The following TTBK2 variants were observed in gnomAD, a reference collection of about 807,000 sequenced individuals.
TTBK2 encodes tau tubulin kinase 2.
In TTBK2, 28 loss-of-function variants were observed where a neutral mutation model predicts 110.8. The observed-to-expected ratio is 0.25, with a 90% CI of 0.19 to 0.35. TTBK2 has a LOEUF of 0.35. Ranked by LOEUF, TTBK2 falls within the 10% of genes least tolerant of loss-of-function variation. TTBK2 has a pLI of 1.00. For synonymous variants in TTBK2, 532 were observed against 527.3 expected (o/e 1.01, Z -0.12); for missense variants, 1,369 against 1,500.3 (o/e 0.91, Z 1.45).
intron 9 of TTBK2, among the ~76,000 whole-genome samples, chr15:42,800,537 C>G (rs1294612294): frequency 6.6e-6 from 1 of 152,182 alleles, no homozygotes; most frequent in Non-Finnish European, 1.5e-5. Flanking sequence ...TAAGAACTCA[C>G]TAAGAATCCT....
chr15:42,769,213 C>T (rs191627935), intron 13 of TTBK2, among the ~76,000 whole-genome samples: 102 of 152,172 alleles, frequency 6.7e-4, no homozygotes, highest in South Asian at 1.5e-3. Context: ...AAGGACTTCA[C>T]GACTAAAACA....
At position 42,751,832 on chromosome 15, in the gene TTBK2, C is replaced by T. The variant is rs148773948; in HGVS notation, c.3272+142G>A. The stretch of plus-strand genomic sequence containing the variant: ...AAAAAATCTGATTACTTCTACTGCA[C>T]TAGGCTGTAAGGCCTGGGAAAGGCA... On this transcript the variant is annotated intron_variant, in intron 14 of 14. Transcript: ENST00000267890. 40 of 992,484 alleles carry T rather than the reference C, an allele frequency of 4.0e-5. No homozygotes were observed. In the East Asian group the frequency reaches 8.7e-4, roughly 22 times the overall value. The allele number at this position is 992,484 out of a possible 1,614,324, so 61.5% of individuals were successfully genotyped here. A position where few individuals can be genotyped will look rare whatever the true frequency, so the allele number is the denominator to read the frequency against.
intron 2 of TTBK2, among the ~76,000 whole-genome samples, chr15:42,875,905 C>CA (rs57982301): frequency 0.45 from 25,369 of 56,580 alleles, 5,622 homozygotes; most frequent in African/African-American, 0.67. Context: ...GACTCCGTCT[C>CA]AAAAAAAAAA....
chr15:42,881,346 CA>C (rs199903053), intron 1 of TTBK2, among the ~76,000 whole-genome samples: 1,180 of 80,218 alleles, frequency 0.015, 10 homozygotes, highest in East Asian at 0.078. Context: ...ACTCAAATTT[CA>C]AAAAAAAAAA....
At chr15:42,793,378 C>T (rs941031540) in intron 10 of TTBK2, among the ~76,000 whole-genome samples, 4 of 152,146 alleles carry the variant, frequency 2.6e-5, no homozygotes, top group African/African-American at 9.7e-5. Flanking sequence ...TTCTAGTGAT[C>T]CCATCTTTCA....
chr15:42,815,954 A>ATATATATATATAT (rs1393860735), intron 7 of TTBK2, among the ~76,000 whole-genome samples: 10 of 53,376 alleles, frequency 1.9e-4, no homozygotes, highest in South Asian at 1.8e-3. Context: ...ATATTTAAAA[A>ATATATATATATAT]AAAAATATAT....
At chr15:42,802,849 C>T (rs993719574) in intron 9 of TTBK2, among the ~76,000 whole-genome samples, 2 of 152,156 alleles carry the variant, frequency 1.3e-5, no homozygotes, top group Admixed American at 6.5e-5. Flanking sequence ...GGAAGGCAGA[C>T]CCATCCTTAA....
chr15:42,859,294 G>A lies in TTBK2; in HGVS notation c.217+13317C>T, dbSNP rs184170418. On this transcript the variant is annotated intron_variant, in intron 3 of 14. Coordinates refer to ENST00000267890, the MANE Select transcript of TTBK2 (RefSeq NM_173500.4). ...GATAATTTTTTGTATGTTTTGTATA[G>A]GTGGGATTTCACCACATTGCCCAGG... is the stretch of plus-strand genomic sequence containing the variant. Among the ~76,000 whole-genome samples, 723 of 152,064 alleles carry A rather than the reference G, an allele frequency of 4.8e-3. 12 individuals carry two copies. The highest frequency in any genetic ancestry group is 0.017 in the African/African-American group (691 of 41,464).
At chr15:42,833,989 C>T (rs967209815) in intron 4 of TTBK2, among the ~76,000 whole-genome samples, 12 of 151,826 alleles carry the variant, frequency 7.9e-5, no homozygotes, top group South Asian at 2.1e-4. Context: ...GCAGCCTGGG[C>T]GACAGAGAGA....
At chr15:42,909,448 C>A (rs1399250548) in intron 1 of TTBK2, among the ~76,000 whole-genome samples, 2 of 152,088 alleles carry the variant, frequency 1.3e-5, no homozygotes, top group Non-Finnish European at 2.9e-5. Flanking sequence ...CTTATGAGCA[C>A]CCCCTTGTGA....
At chr15:42,908,956 C>A (rs1367687651) in intron 1 of TTBK2, among the ~76,000 whole-genome samples, 1 of 152,136 alleles carries the variant, frequency 6.6e-6, no homozygotes, top group East Asian at 1.9e-4. Flanking sequence ...GTTGCTGTAA[C>A]AAATATGACA....
At chr15:42,889,884 C>A (rs1895386645) in intron 1 of TTBK2, among the ~76,000 whole-genome samples, 1 of 152,038 alleles carries the variant, frequency 6.6e-6, no homozygotes, top group South Asian at 2.1e-4. Flanking sequence ...CTCTCCATAC[C>A]ACCCCCAAAA....
At chr15:42,816,787 C>T (rs757352835) in intron 7 of TTBK2, among the ~76,000 whole-genome samples, 18 of 151,756 alleles carry the variant, frequency 1.2e-4, no homozygotes, top group East Asian at 1.9e-4. Flanking sequence ...GGCGTGGTGG[C>T]GGGCACCTGT....
intron 9 of TTBK2, chr15:42,801,181 G>C (rs779628613): frequency 7.2e-7 from 1 of 1,397,296 alleles, no homozygotes; most frequent in South Asian, 1.2e-5. Context: ...GTCTTCATAT[G>C]GATACTCATG....
chr15:42,829,276 CAA>C (rs1473707280), intron 5 of TTBK2, among the ~76,000 whole-genome samples: 1 of 152,074 alleles, frequency 6.6e-6, no homozygotes, highest in Non-Finnish European at 1.5e-5. Flanking sequence ...ATTTCTAAGA[CAA>C]ACAGATTAGC....
At chr15:42,787,816 T>C (rs1380813861) in intron 10 of TTBK2, among the ~76,000 whole-genome samples, 1 of 152,128 alleles carries the variant, frequency 6.6e-6, no homozygotes, top group African/African-American at 2.4e-5. Context: ...CACCCAAGAG[T>C]ACAGTCATGT....
intron 3 of TTBK2, among the ~76,000 whole-genome samples, chr15:42,869,633 G>A (rs1341021339): frequency 6.6e-6 from 1 of 152,066 alleles, no homozygotes; most frequent in Non-Finnish European, 1.5e-5. Context: ...AAAAACAAAG[G>A]ATGAAGATAG....
At chr15:42,815,961 ATATATAT>A (rs1891972450) in intron 7 of TTBK2, among the ~76,000 whole-genome samples, 1 of 88,294 alleles carries the variant, frequency 1.1e-5, no homozygotes, top group African/African-American at 5.1e-5. Flanking sequence ...AAAAAAAAAT[ATATATAT>A]ATATATATAT....
intron 2 of TTBK2, among the ~76,000 whole-genome samples, chr15:42,874,310 A>T (rs1188937810): frequency 6.7e-6 from 1 of 150,260 alleles, no homozygotes; most frequent in African/African-American, 2.5e-5. Context: ...TTATTTTTTT[A>T]TTTTTTTTAT....
Sources: gnomAD v4.1 joint callset for allele counts (sites outside exome capture counted in the v4.1 genomes callset) on GRCh38, gnomAD v4.1.1 for gene constraint, MANE v1.5 for transcripts, NCBI Gene and HGNC (gene_info 2026-07-23, HGNC 2026-07-21) for gene names.